The following FAM120A variants were observed in gnomAD, a reference collection of about 807,000 sequenced individuals.
FAM120A encodes the protein constitutive coactivator of PPAR-gamma-like protein 1.
Under a neutral mutation model 109.7 loss-of-function variants are expected in FAM120A, and 15 were observed. The ratio of observed to expected loss-of-function variants is 0.14; its 90% confidence interval spans 0.09 to 0.21. The LOEUF (loss-of-function observed/expected upper bound fraction) is 0.21, where lower values mean the gene tolerates loss of function less well. Among genes scored for constraint, FAM120A ranks in the 10% least tolerant of loss-of-function variants. FAM120A has a pLI of 1.00. For missense variants in FAM120A, 899 were observed against 1,439.3 expected, an observed-to-expected ratio of 0.62 and a Z score of 6.07; for synonymous variants, 493 against 572.8, an observed-to-expected ratio of 0.86 and a Z score of 1.99.
At chr9:93,459,020 A>C (rs935359667) in intron 1 of FAM120A, among the ~76,000 whole-genome samples, 1 of 152,210 alleles carries the variant, frequency 6.6e-6, no homozygotes, top group South Asian at 2.1e-4. Flanking sequence ...GTTTCTGCTT[A>C]TGTCATTCCC....
chr9:93,488,234 G>A (rs1859151076), intron 3 of FAM120A, among the ~76,000 whole-genome samples: 1 of 152,108 alleles, frequency 6.6e-6, no homozygotes. Flanking sequence ...ACCATCTTGT[G>A]TTTCCAATGG....
At chr9:93,453,574 T>G in intron 1 of FAM120A, 2 of 985,324 alleles carry the variant, frequency 2.0e-6, no homozygotes, top group Non-Finnish European at 2.4e-6. Flanking sequence ...ATGGTGGTAG[T>G]TAAGCCTAAA....
intron 9 of FAM120A, 127 bp downstream of exon 9, chr9:93,529,707 A>T (rs751360399): frequency 1.3e-6 from 1 of 788,054 alleles, no homozygotes; most frequent in Non-Finnish European, 2.2e-6. Flanking sequence ...AACAAAGTTC[A>T]CTTTCCCCTT....
Position 93,546,620 on chromosome 9 carries a change from C to T in FAM120A, c.2159+3149C>T, listed in dbSNP as rs1443056300. Among the ~76,000 whole-genome samples the T allele has an allele frequency of 2.6e-5, 4 of 152,164 alleles. No homozygotes were observed. In the South Asian group the frequency reaches 8.3e-4, roughly 32 times the overall value. ...CTCCCAGCCCACTCTTTTGTTTGCT[C>T]CTCTCGATGCCTGGGGCCTGGCAGC... is the stretch of plus-strand genomic sequence containing the variant. On this transcript the variant is annotated intron_variant, in intron 11 of 17. Coordinates refer to ENST00000277165, the MANE Select transcript of FAM120A (RefSeq NM_014612.5).
chr9:93,480,247 A>G (rs1370724188), intron 3 of FAM120A, among the ~76,000 whole-genome samples: 2 of 152,218 alleles, frequency 1.3e-5, no homozygotes, highest in Admixed American at 6.5e-5. Context: ...TGTAACATGT[A>G]AAATTGTAGG....
intron 1 of FAM120A, among the ~76,000 whole-genome samples, chr9:93,470,598 T>A (rs1377645257): frequency 2.0e-5 from 3 of 152,186 alleles, no homozygotes; most frequent in African/African-American, 7.2e-5. Flanking sequence ...CCTTGTATGG[T>A]CTCCACGTGT....
At chr9:93,560,808 G>A (rs755875112) in intron 15 of FAM120A, among the ~76,000 whole-genome samples, 2 of 152,178 alleles carry the variant, frequency 1.3e-5, no homozygotes, top group South Asian at 4.1e-4. Context: ...TGCCATCTTG[G>A]TAATATAGAA....
In FAM120A at chr9:93,543,331, G is replaced by A; in HGVS notation, c.2019G>A (p.Lys673=). 1 of 1,614,214 alleles carries A rather than the reference G, an allele frequency of 6.2e-7. No individual in the cohort carries two copies. Among genetic ancestry groups the A allele is most frequent in the Non-Finnish European group, 8.5e-7 (1 of 1,180,026 alleles). ...GGGAGTGGACCTGCCCCAACCTGAAGAGGCTGTGGTTGGGTAAGGCGGTAG... is the reference window on the plus strand; with the variant it reads ...GGGAGTGGACCTGCCCCAACCTGAAAAGGCTGTGGTTGGGTAAGGCGGTAG... ...AFREWTCPNL[K]RLWLGKAVED... Residue 673 remains lysine (K), a synonymous_variant, in exon 11 of 18, where the codon AAG becomes AAA. Coordinates refer to ENST00000277165, the MANE Select transcript of FAM120A (RefSeq NM_014612.5).
chr9:93,518,217 G>A (rs921761573), intron 7 of FAM120A, among the ~76,000 whole-genome samples: 14 of 152,256 alleles, frequency 9.2e-5, no homozygotes, highest in African/African-American at 3.1e-4. Context: ...TCAGAAACTA[G>A]CATTCAACTT....
intron 10 of FAM120A, among the ~76,000 whole-genome samples, chr9:93,542,741 A>C (rs1236615453): frequency 2.6e-5 from 4 of 152,244 alleles, no homozygotes; most frequent in African/African-American, 9.6e-5. Context: ...AGGTTCAGTA[A>C]AGTGGCTACT....
intron 12 of FAM120A, 136 bp from the exon 13 acceptor site, chr9:93,556,246 G>T (rs551841877): frequency 3.0e-6 from 2 of 655,850 alleles, no homozygotes; most frequent in East Asian, 5.3e-5. Flanking sequence ...TCAATATAAG[G>T]TAATGGTAGG....
At chr9:93,514,775 C>G (rs1012345881) in intron 5 of FAM120A, among the ~76,000 whole-genome samples, 1 of 152,192 alleles carries the variant, frequency 6.6e-6, no homozygotes, top group Non-Finnish European at 1.5e-5. Context: ...TTTATGGGCA[C>G]CATCTACTCA....
chr9:93,488,895 T>A (rs1859188613), intron 3 of FAM120A, among the ~76,000 whole-genome samples: 1 of 152,016 alleles, frequency 6.6e-6, no homozygotes, highest in Non-Finnish European at 1.5e-5. Context: ...ATCTTCCACA[T>A]GGCTAACAAA....
At chr9:93,462,374 G>A (rs542221417) in intron 1 of FAM120A, among the ~76,000 whole-genome samples, 28 of 115,194 alleles carry the variant, frequency 2.4e-4, no homozygotes, top group African/African-American at 8.9e-4. Context: ...TCTGCCTCCC[G>A]GGTGCAAGCA....
Position 93,485,959 on chromosome 9 carries a change from A to G in FAM120A, c.804+9621A>G, listed in dbSNP as rs145481311. 2.0e-3 allele frequency among the ~76,000 whole-genome samples: 302 copies of G among 152,272 alleles called. 2 individuals are homozygous for G. The highest frequency in any genetic ancestry group is 6.9e-3 in the African/African-American group (285 of 41,548). The stretch of plus-strand genomic sequence containing the variant: ...AAGGTTTTTCCATGTTGTAACATGT[A>G]TCAGTACTTTATTCCTTTTTTAAAA... On this transcript the variant is annotated intron_variant, in intron 3 of 17. Transcript: ENST00000277165.
intron 4 of FAM120A, 39 bp downstream of exon 4, chr9:93,497,638 T>C: frequency 6.3e-7 from 1 of 1,584,504 alleles, no homozygotes; most frequent in Non-Finnish European, 8.5e-7. Flanking sequence ...AACAGATTCA[T>C]GGGATATGAC....
chr9:93,517,194 AG>A (rs978970750), intron 7 of FAM120A, among the ~76,000 whole-genome samples: 1 of 152,240 alleles, frequency 6.6e-6, no homozygotes, highest in Non-Finnish European at 1.5e-5. Flanking sequence ...TCTGCCATCC[AG>A]GGATGCATAC....
At position 93,524,889 on chromosome 9, in the gene FAM120A, G is replaced by T. The variant is rs540654615; in HGVS notation, c.1419-2266G>T. Among the ~76,000 whole-genome samples, 736 of 152,242 alleles carry T rather than the reference G, an allele frequency of 4.8e-3. 8 individuals are homozygous for T. The highest frequency in any genetic ancestry group is 0.017 in the African/African-American group (703 of 41,514). On this transcript the variant is annotated intron_variant, in intron 7 of 17. Transcript: ENST00000277165. ...GGTGCCTGTCTCAGCACGTCTCAGC[G>T]CAGTGTAAGTCAGTGAAATGTCTGG...
intron 9 of FAM120A, among the ~76,000 whole-genome samples, chr9:93,531,623 A>G (rs1243298789): frequency 1.3e-5 from 2 of 152,194 alleles, no homozygotes; most frequent in African/African-American, 4.8e-5. Context: ...CTGTACTGAG[A>G]CACATTTCTT....
Sources: gnomAD v4.1 joint callset for allele counts (sites outside exome capture counted in the v4.1 genomes callset) on GRCh38, gnomAD v4.1.1 for gene constraint, MANE v1.5 for transcripts, NCBI Gene and HGNC (gene_info 2026-07-23, HGNC 2026-07-21) for gene names.